Variants in TMEM178A observed in about 807,000 individuals in gnomAD.
TMEM178A encodes the protein transmembrane protein 178.
Under a neutral mutation model 29.1 loss-of-function variants are expected in TMEM178A, and 12 were observed. The observed-to-expected ratio is 0.41, with a 90% CI of 0.26 to 0.67. The LOEUF is 0.67. Among genes scored for constraint, TMEM178A ranks in the 30% least tolerant of loss-of-function variants. The pLI is 0.29. For synonymous variants in TMEM178A, 210 were observed against 187.2 expected (o/e 1.12, Z -0.99); for missense variants, 366 against 419.1 (o/e 0.87, Z 1.11).
At chr2:39,697,420 G>T (rs760768861) in intron 1 of TMEM178A, among the ~76,000 whole-genome samples, 1 of 152,198 alleles carries the variant, frequency 6.6e-6, no homozygotes, top group Non-Finnish European at 1.5e-5. Context: ...CACTGCTGGT[G>T]AGCTGTCTTT....
chr2:39,716,347 A>C (rs1488007843), intron 3 of TMEM178A, among the ~76,000 whole-genome samples: 3 of 152,228 alleles, frequency 2.0e-5, no homozygotes, highest in African/African-American at 7.2e-5. Context: ...TGGTCTAAAA[A>C]GCAAAGTTTT....
intron 3 of TMEM178A, among the ~76,000 whole-genome samples, chr2:39,709,750 G>A (rs1452266899): frequency 6.6e-6 from 1 of 152,184 alleles, no homozygotes; most frequent in Non-Finnish European, 1.5e-5. Context: ...CCAACACATG[G>A]GAAAGGCCCC....
At chr2:39,681,172 A>G (rs962025948) in intron 1 of TMEM178A, among the ~76,000 whole-genome samples, 3 of 152,216 alleles carry the variant, frequency 2.0e-5, no homozygotes, top group Non-Finnish European at 4.4e-5. Context: ...CTCTTTAGTC[A>G]TACGTGGCAA....
chr2:39,727,438 CTT>C, the TMEM178A span, among the ~76,000 whole-genome samples: 3 of 152,228 alleles, frequency 2.0e-5, no homozygotes, highest in Admixed American at 1.3e-4. Flanking sequence ...TTCTCTAAGA[CTT>C]TGCATCTCAC....
At chr2:39,676,579 G>C (rs1259533488) in intron 1 of TMEM178A, among the ~76,000 whole-genome samples, 1 of 152,212 alleles carries the variant, frequency 6.6e-6, no homozygotes, top group Non-Finnish European at 1.5e-5. Context: ...CGGGCAAGTG[G>C]AATGGACCAT....
chr2:39,682,470 G>C (rs1349963529), intron 1 of TMEM178A, among the ~76,000 whole-genome samples: 2 of 151,658 alleles, frequency 1.3e-5, no homozygotes, highest in African/African-American at 4.8e-5. Flanking sequence ...TCTGTTGTCT[G>C]CCTCTGGCTG....
chr2:39,710,705 G>T (rs981131030), intron 3 of TMEM178A, among the ~76,000 whole-genome samples: 2 of 152,188 alleles, frequency 1.3e-5, no homozygotes, highest in Non-Finnish European at 2.9e-5. Flanking sequence ...CAAAAAAAGG[G>T]TTAAAAGAAT....
chr2:39,714,665 A>G (rs1271751352), intron 3 of TMEM178A, among the ~76,000 whole-genome samples: 1 of 152,180 alleles, frequency 6.6e-6, no homozygotes, highest in African/African-American at 2.4e-5. Flanking sequence ...GCAGAGAGAA[A>G]TCATTCTGGT....
At chr2:39,674,999 A>G (rs1670556721) in intron 1 of TMEM178A, among the ~76,000 whole-genome samples, 1 of 151,996 alleles carries the variant, frequency 6.6e-6, no homozygotes, top group African/African-American at 2.4e-5. Flanking sequence ...CGGGCTACAG[A>G]CTCCTGTCAA....
Position 39,705,244 on chromosome 2 carries a change from A to G in TMEM178A, c.514+1050A>G, listed in dbSNP as rs144363741. 3.7e-3 allele frequency among the ~76,000 whole-genome samples: 567 copies of G among 152,360 alleles called. 4 individuals are homozygous for G. The highest frequency in any genetic ancestry group is 0.013 in the African/African-American group (527 of 41,582). Reference sequence around the variant, plus strand: ...TCCTTTTTGGAGTTCTCATGGAAAGATGCTTTTAGCAGTCTCATGCATGTC... The same window carrying G: ...TCCTTTTTGGAGTTCTCATGGAAAGGTGCTTTTAGCAGTCTCATGCATGTC... On this transcript the variant is annotated intron_variant, in intron 2 of 3. Coordinates refer to ENST00000281961, the MANE Select transcript of TMEM178A (RefSeq NM_152390.3).
At chr2:39,716,015 C>A (rs1054348384) in intron 3 of TMEM178A, among the ~76,000 whole-genome samples, 1 of 152,066 alleles carries the variant, frequency 6.6e-6, no homozygotes, top group Non-Finnish European at 1.5e-5. Flanking sequence ...CCTAAGGATG[C>A]CAAAGGAATT....
At chr2:39,710,369 C>T (rs1448669609) in intron 3 of TMEM178A, among the ~76,000 whole-genome samples, 2 of 152,118 alleles carry the variant, frequency 1.3e-5, no homozygotes, top group Non-Finnish European at 2.9e-5. Context: ...GACCTCATCA[C>T]CTGAAAACAA....
downstream of TMEM178A, among the ~76,000 whole-genome samples, chr2:39,720,308 G>A (rs78435442): frequency 9.6e-3 from 1,460 of 152,246 alleles, 23 homozygotes; most frequent in South Asian, 0.05. Context: ...GTGAGCTAGA[G>A]GGAATAAAAA....
At chr2:39,712,104 C>T (rs1298706829) in intron 3 of TMEM178A, among the ~76,000 whole-genome samples, 1 of 135,170 alleles carries the variant, frequency 7.4e-6, no homozygotes, top group Admixed American at 7.7e-5. Context: ...TCTATTAGTT[C>T]TGCCAGTCAG....
chr2:39,687,223 G>T, intron 1 of TMEM178A: 1 of 166,798 alleles, frequency 6.0e-6, no homozygotes. Flanking sequence ...ATATTTTAGG[G>T]TCAAGCACCT....
intron 1 of TMEM178A, among the ~76,000 whole-genome samples, chr2:39,688,320 G>T (rs548437948): frequency 5.9e-5 from 9 of 152,350 alleles, no homozygotes; most frequent in South Asian, 2.1e-4. Context: ...TTATCTGGCT[G>T]CAGACTTGGG....
intron 1 of TMEM178A, among the ~76,000 whole-genome samples, chr2:39,689,951 G>A (rs1223354324): frequency 1.3e-5 from 2 of 152,200 alleles, no homozygotes; most frequent in African/African-American, 4.8e-5. Flanking sequence ...ACAGCTCAAT[G>A]CCAAGAGAGA....
chr2:39,671,716 T>C (rs888159093), intron 1 of TMEM178A, among the ~76,000 whole-genome samples: 9 of 152,136 alleles, frequency 5.9e-5, no homozygotes, highest in Admixed American at 1.3e-4. Flanking sequence ...GTAATACATA[T>C]ATATAACTAG....
Sources: gnomAD v4.1 joint callset for allele counts (sites outside exome capture counted in the v4.1 genomes callset) on GRCh38, gnomAD v4.1.1 for gene constraint, MANE v1.5 for transcripts, NCBI Gene and HGNC (gene_info 2026-07-23, HGNC 2026-07-21) for gene names.